KCNMB3: variants seen among roughly 807,000 people sequenced by gnomAD.
The protein encoded by KCNMB3 is calcium-activated potassium channel subunit beta-3.
KCNMB3 carries 18 observed loss-of-function variants against 11.9 expected under a neutral mutation model. The ratio of observed to expected loss-of-function variants is 1.51; its 90% CI spans 1.04 to 2.23. The LOEUF is 2.23. KCNMB3 is among the 30% of genes most tolerant of loss of function. The pLI is 0.00. For synonymous variants in KCNMB3, 78 were observed against 119.2 expected (o/e 0.65, Z 2.25); for missense variants, 247 against 329.4 (o/e 0.75, Z 1.94).
intron 1 of KCNMB3, among the ~76,000 whole-genome samples, chr3:179,246,430 AT>A (rs1254815048): frequency 6.6e-6 from 1 of 152,170 alleles, no homozygotes; most frequent in East Asian, 1.9e-4. Context: ...AAAAGTAAGA[AT>A]GTTCGAAAAG....
rs1481830986 is a variant in KCNMB3, at chr3:179,259,261, G to A, written c.62+7388C>T. On this transcript the variant is annotated intron_variant, in intron 1 of 3. Coordinates refer to the KCNMB3 transcript ENST00000349697. ...TCCTGTGAGGGACTTTCATTTTTGG[G>A]TACGGTGCAGTGATCTGCATCTTCG... 9 of 1,536,538 alleles carry A rather than the reference G, an allele frequency of 5.9e-6. No individual in the cohort carries two copies. In the South Asian group the frequency reaches 6.6e-5, roughly 11 times the overall value.
At chr3:179,254,956 G>A (rs1002113446), upstream of KCNMB3, among the ~76,000 whole-genome samples, 1 of 152,166 alleles carries the variant, frequency 6.6e-6, no homozygotes, top group Non-Finnish European at 1.5e-5. Context: ...CCTGAGGTCA[G>A]GAGTTTGAGA....
Position 179,244,701 on chromosome 3 carries a change from T to G in KCNMB3, c.249-8A>C. ...GATTCTTCTCTCTGAATGCTTCAATTTGAAAAAAAAAAAATGTTCTTCACT... is the reference window on the plus strand; with the variant it reads ...GATTCTTCTCTCTGAATGCTTCAATGTGAAAAAAAAAAAATGTTCTTCACT... On this transcript the variant is annotated splice_polypyrimidine_tract_variant and splice_region_variant and intron_variant, in intron 1 of 2. Coordinates refer to ENST00000392685, the MANE Select transcript of KCNMB3 (RefSeq NM_171830.2). The G allele has an allele frequency of 6.3e-7, 1 of 1,577,240 alleles. No individual in the cohort carries two copies. Among genetic ancestry groups the G allele is most frequent in the Non-Finnish European group, 8.6e-7 (1 of 1,169,476 alleles).
At chr3:179,267,006 T>C (rs1726388826), upstream of KCNMB3, 1 of 960,516 alleles carries the variant, frequency 1.0e-6, no homozygotes, top group Non-Finnish European at 1.3e-6. Flanking sequence ...GCACTGTGCT[T>C]GCCGCCACCT....
Position 179,259,285 on chromosome 3 carries a change from C to T in KCNMB3, c.62+7364G>A, listed in dbSNP as rs1383371650. On this transcript the variant is annotated intron_variant, in intron 1 of 3. Transcript: ENST00000349697. ...GGTACGGTGCAGTGATCTGCATCTT[C>T]GCTCTCTGGTTCTTCAGGATTGCTT... The T allele has an allele frequency of 1.0e-5, 16 of 1,548,810 alleles. No homozygotes were observed. In the East Asian group the frequency reaches 1.8e-4, roughly 17 times the overall value.
intron 1 of KCNMB3, among the ~76,000 whole-genome samples, chr3:179,246,435 C>T (rs1379819212): frequency 1.3e-5 from 2 of 151,886 alleles, no homozygotes; most frequent in South Asian, 2.1e-4. Context: ...TAAGAATGTT[C>T]GAAAAGCAAT....
intron 1 of KCNMB3, among the ~76,000 whole-genome samples, chr3:179,262,061 T>C (rs182548218): frequency 2.6e-4 from 40 of 152,342 alleles, no homozygotes; most frequent in African/African-American, 9.1e-4. Flanking sequence ...CTGATAGCAT[T>C]GTTTCACTGA....
At chr3:179,248,773 T>C (rs531640766) in intron 1 of KCNMB3, among the ~76,000 whole-genome samples, 1 of 151,754 alleles carries the variant, frequency 6.6e-6, no homozygotes, top group East Asian at 1.9e-4. Flanking sequence ...TACTGTTGAC[T>C]GGAAGCCTTA....
chr3:179,259,204 CTG>C (rs1726120388), intron 1 of KCNMB3: 6 of 1,541,824 alleles, frequency 3.9e-6, no homozygotes, highest in Admixed American at 2.1e-5. Flanking sequence ...CCACACCTCT[CTG>C]TACTTTCTGC....
At position 179,249,461 on chromosome 3, in the gene KCNMB3, G is replaced by A. The variant is rs1181088497; in HGVS notation, c.248+1282C>T. 5.9e-5 allele frequency among the ~76,000 whole-genome samples: 9 copies of A among 152,016 alleles called. No homozygotes were observed. The East Asian group carries it at 1.8e-3, about 30-fold the overall frequency. On this transcript the variant is annotated intron_variant, in intron 1 of 2. Coordinates refer to ENST00000392685, the MANE Select transcript of KCNMB3 (RefSeq NM_171830.2). ...AGATCACAGGGTCAGGAGTTCAAAGGTCAGGAGTTCAAGACCAGCCTGGCC... is the reference window on the plus strand; with the variant it reads ...AGATCACAGGGTCAGGAGTTCAAAGATCAGGAGTTCAAGACCAGCCTGGCC...
chr3:179,259,273 G>T, intron 1 of KCNMB3: 1 of 1,546,200 alleles, frequency 6.5e-7, no homozygotes, highest in Non-Finnish European at 8.7e-7. Context: ...ACGGTGCAGT[G>T]ATCTGCATCT....
At chr3:179,259,825 T>G in intron 1 of KCNMB3, 1 of 1,605,154 alleles carries the variant, frequency 6.2e-7, no homozygotes, top group Non-Finnish European at 8.5e-7. Context: ...TCACTTTGAG[T>G]GTCTACTGTA....
chr3:179,253,008 G>A (rs1245275493), upstream of KCNMB3, among the ~76,000 whole-genome samples: 1 of 152,288 alleles, frequency 6.6e-6, no homozygotes, highest in East Asian at 1.9e-4. Context: ...AGGATTACAG[G>A]TGTGAGCCAC....
chr3:179,255,578 G>C (rs1353630817), upstream of KCNMB3, among the ~76,000 whole-genome samples: 1 of 152,080 alleles, frequency 6.6e-6, no homozygotes, highest in Non-Finnish European at 1.5e-5. Context: ...GAGGTTCAGA[G>C]ACATGAAAGA....
chr3:179,258,654 T>C (rs1044331802), intron 1 of KCNMB3, among the ~76,000 whole-genome samples: 3 of 152,244 alleles, frequency 2.0e-5, no homozygotes, highest in African/African-American at 7.2e-5. Context: ...GTCATTTCAA[T>C]TAGATGCTGA....
chr3:179,246,244 T>C (rs6767284), intron 1 of KCNMB3, among the ~76,000 whole-genome samples: 36,640 of 152,030 alleles, frequency 0.24, 5,169 homozygotes, highest in African/African-American at 0.39. Flanking sequence ...AAACCACGTC[T>C]TCACTGAAAA....
At chr3:179,263,953 C>T (rs1726303130) in intron 1 of KCNMB3, among the ~76,000 whole-genome samples, 2 of 151,264 alleles carry the variant, frequency 1.3e-5, no homozygotes, top group South Asian at 2.1e-4. Flanking sequence ...TTATAGGCGC[C>T]GGCTACCACG....
intron 1 of KCNMB3, among the ~76,000 whole-genome samples, chr3:179,256,670 A>G (rs1209701915): frequency 6.6e-6 from 1 of 152,126 alleles, no homozygotes; most frequent in African/African-American, 2.4e-5. Flanking sequence ...TTTAGGTGAT[A>G]CTCCAGAAAT....
intron 1 of KCNMB3, among the ~76,000 whole-genome samples, chr3:179,258,396 G>A (rs570195755): frequency 6.6e-5 from 10 of 152,294 alleles, no homozygotes; most frequent in Non-Finnish European, 1.3e-4. Context: ...ACTTATATGA[G>A]GTGAAGGCAA....
Sources: allele counts gnomAD v4.1 joint callset (sites outside exome capture counted in the v4.1 genomes callset), GRCh38; gene constraint gnomAD v4.1.1; transcripts MANE v1.5; gene names NCBI Gene and HGNC (gene_info 2026-07-23, HGNC 2026-07-21).